Variants in MYO5B observed in about 807,000 individuals in gnomAD.
The protein encoded by MYO5B is myosin VB, also known as unconventional myosin-Vb.
Under a neutral mutation model 229.3 loss-of-function variants are expected in MYO5B, and 143 were observed. That is an observed-to-expected ratio of 0.62 (90% confidence interval 0.54 to 0.72). The LOEUF is 0.72. Among genes scored for constraint, MYO5B ranks in the 30% least tolerant of loss-of-function variants. The pLI is 0.00. For synonymous variants in MYO5B, 918 were observed against 885.2 expected, an observed-to-expected ratio of 1.04 and a Z score of -0.66; for missense variants, 2,321 against 2,331.0, an observed-to-expected ratio of 1.00 and a Z score of 0.09.
At chr18:50,167,718 C>T (rs372151091) in intron 1 of MYO5B, among the ~76,000 whole-genome samples, 1 of 152,142 alleles carries the variant, frequency 6.6e-6, no homozygotes, top group East Asian at 1.9e-4. Flanking sequence ...CATAGCTTCC[C>T]CAGCTGAGAA....
At chr18:50,086,737 C>CTCAGAAGAGAGTAAAGACT (rs1464455596) in intron 1 of MYO5B, among the ~76,000 whole-genome samples, 1 of 152,120 alleles carries the variant, frequency 6.6e-6, no homozygotes, top group Non-Finnish European at 1.5e-5. Flanking sequence ...ATGTCTGGAG[C>CTCAGAAGAGAGTAAAGACT]TCAGAAGAGA....
At chr18:49,831,943 G>A (rs932341431) in intron 39 of MYO5B, among the ~76,000 whole-genome samples, 7 of 152,114 alleles carry the variant, frequency 4.6e-5, no homozygotes, top group Admixed American at 3.9e-4. Context: ...GCTACAACAT[G>A]GATGACCTTT....
chr18:50,006,592 G>C (rs1016568766), intron 4 of MYO5B, among the ~76,000 whole-genome samples: 4 of 152,016 alleles, frequency 2.6e-5, no homozygotes, highest in Admixed American at 1.3e-4. Flanking sequence ...GTTCACACTG[G>C]CCCCCCCTTC....
At chr18:50,176,095 T>A (rs964333247) in intron 1 of MYO5B, among the ~76,000 whole-genome samples, 1 of 152,246 alleles carries the variant, frequency 6.6e-6, no homozygotes, top group African/African-American at 2.4e-5. Context: ...TACCTCTGAA[T>A]GAGCTCCATT....
chr18:49,889,540 T>TA (rs1453024353), intron 22 of MYO5B, among the ~76,000 whole-genome samples: 1 of 152,206 alleles, frequency 6.6e-6, no homozygotes, highest in Admixed American at 6.5e-5. Flanking sequence ...CTGGTAGGTT[T>TA]TACAGCAGGC....
At chr18:49,842,316 T>C (rs2024068176) in intron 34 of MYO5B, among the ~76,000 whole-genome samples, 2 of 152,166 alleles carry the variant, frequency 1.3e-5, no homozygotes, top group African/African-American at 4.8e-5. Flanking sequence ...AGATATGTTT[T>C]AGAGCCGTGA....
chr18:50,158,976 C>T (rs576393398), intron 1 of MYO5B, among the ~76,000 whole-genome samples: 1 of 152,300 alleles, frequency 6.6e-6, no homozygotes, highest in South Asian at 2.1e-4. Flanking sequence ...ATGGACACTT[C>T]CAAATGAGAG....
At chr18:50,079,831 T>C (rs1340578096) in intron 1 of MYO5B, among the ~76,000 whole-genome samples, 3 of 152,198 alleles carry the variant, frequency 2.0e-5, no homozygotes, top group Non-Finnish European at 4.4e-5. Context: ...GTTGAATGCC[T>C]GCCTGCCTGC....
intron 2 of MYO5B, among the ~76,000 whole-genome samples, chr18:50,050,434 C>T (rs1224137452): frequency 6.6e-6 from 1 of 152,202 alleles, no homozygotes; most frequent in Non-Finnish European, 1.5e-5. Context: ...CATGAGGAAC[C>T]ATGTTTGATT....
intron 4 of MYO5B, among the ~76,000 whole-genome samples, chr18:50,032,467 C>T (rs1211602709): frequency 6.6e-6 from 1 of 152,178 alleles, no homozygotes; most frequent in Non-Finnish European, 1.5e-5. Flanking sequence ...TTAGACAACA[C>T]GTGGTCTTTT....
chr18:49,972,940 C>A (rs1361024708), intron 10 of MYO5B, among the ~76,000 whole-genome samples: 1 of 152,120 alleles, frequency 6.6e-6, no homozygotes, highest in African/African-American at 2.4e-5. Flanking sequence ...ACACTCTGCT[C>A]CTTCCTCATA....
intron 1 of MYO5B, among the ~76,000 whole-genome samples, chr18:50,180,517 G>A (rs8084644): frequency 0.072 from 10,871 of 152,008 alleles, 527 homozygotes; most frequent in African/African-American, 0.14. Context: ...CCACCTACCC[G>A]CTCCCCGAGT....
intron 18 of MYO5B, among the ~76,000 whole-genome samples, chr18:49,907,912 A>T (rs2024917609): frequency 6.6e-6 from 1 of 152,232 alleles, no homozygotes; most frequent in Admixed American, 6.5e-5. Flanking sequence ...TCATGCTGAG[A>T]GGAACAGGGG....
At chr18:50,032,725 C>T (rs140594171) in intron 4 of MYO5B, among the ~76,000 whole-genome samples, 1 of 152,278 alleles carries the variant, frequency 6.6e-6, no homozygotes, top group African/African-American at 2.4e-5. Flanking sequence ...GAGGCTCATG[C>T]CTATAACCCC....
In MYO5B at chr18:49,863,319, G is replaced by A. The variant is rs1252921598; in HGVS notation, c.3852C>T (p.Asn1284=). 6.2e-7 allele frequency: 1 copy of A among 1,613,628 alleles called. No homozygotes were observed. The highest frequency in any genetic ancestry group is 8.5e-7 in the Non-Finnish European group (1 of 1,179,990). ...RRLAGRNAEP[N]INARSSWPNS... ...TAGGCCAACTTGATCTGGCATTAAT[G>A]TTCGGCTCCTAGAAAGCCCCAGATA... Residue 1284 remains asparagine (N), a synonymous_variant, in exon 29 of 40, where the codon AAC becomes AAT. Transcript: ENST00000285039.
intron 19 of MYO5B, among the ~76,000 whole-genome samples, chr18:49,905,855 C>T (rs540170205): frequency 5.3e-5 from 8 of 152,242 alleles, no homozygotes; most frequent in South Asian, 2.1e-4. Flanking sequence ...TTCTTCTGCT[C>T]GGGGTCGAGC....
chr18:49,962,460 A>G, intron 11 of MYO5B, 54 bp from the exon 12 acceptor site: 2 of 1,612,110 alleles, frequency 1.2e-6, no homozygotes. Flanking sequence ...CTTAACATTC[A>G]CCTCCCCCAG....
At chr18:50,107,939 C>T (rs144066686) in intron 1 of MYO5B, among the ~76,000 whole-genome samples, 1 of 152,252 alleles carries the variant, frequency 6.6e-6, no homozygotes, top group African/African-American at 2.4e-5. Context: ...CAGTCTCACC[C>T]TGTTACCCAG....
At chr18:50,078,442 A>G (rs1308260555) in intron 1 of MYO5B, among the ~76,000 whole-genome samples, 1 of 152,208 alleles carries the variant, frequency 6.6e-6, no homozygotes, top group East Asian at 1.9e-4. Flanking sequence ...TCCACCCACT[A>G]AAATCTGGAT....
Sources: allele counts gnomAD v4.1 joint callset (sites outside exome capture counted in the v4.1 genomes callset), GRCh38; gene constraint gnomAD v4.1.1; transcripts MANE v1.5; gene names NCBI Gene and HGNC (gene_info 2026-07-23, HGNC 2026-07-21).